The following SHTN1 variants were observed in gnomAD, a reference collection of about 807,000 sequenced individuals.
SHTN1 encodes shootin-1.
Under a neutral mutation model 83.1 loss-of-function variants are expected in SHTN1, and 42 were observed. That is an observed-to-expected ratio of 0.51 (90% CI 0.39 to 0.65). SHTN1 has a LOEUF of 0.65. Ranked by LOEUF, SHTN1 falls within the 30% of genes least tolerant of loss-of-function variation. SHTN1 has a pLI of 0.00. For missense variants in SHTN1, 622 were observed against 737.8 expected (o/e 0.84, Z 1.82); for synonymous variants, 224 against 247.7 (o/e 0.90, Z 0.90).
rs548257720 is a variant in SHTN1, at chr10:117,105,664, T to C, written c.-189+20643A>G. ...TCTAAACAAGGTGAGAACAGTTATA[T>C]GCCTGGGATTATTTTTCAGACTTTC... On this transcript the variant is annotated intron_variant, in intron 1 of 17. Coordinates refer to the SHTN1 transcript ENST00000392901. Among the ~76,000 whole-genome samples, 3 of 152,358 alleles carry C rather than the reference T, an allele frequency of 2.0e-5. No homozygotes were observed. The South Asian group carries it at 6.2e-4, about 32-fold the overall frequency.
At chr10:116,923,310 C>T (rs1364481559) in intron 11 of SHTN1, among the ~76,000 whole-genome samples, 1 of 152,154 alleles carries the variant, frequency 6.6e-6, no homozygotes, top group Non-Finnish European at 1.5e-5. Context: ...CTGCATATAG[C>T]ATCATTTCCT....
rs192517506 is a variant in SHTN1, at chr10:116,998,334, T to C, written c.58+6688A>G. ...TCTCTGACAGACAGTAGTTTCCCTC[T>C]TATCTACCGTTTCACTCTTCAGGGT... On this transcript the variant is annotated intron_variant, in intron 1 of 16. Transcript: ENST00000355371. Among the ~76,000 whole-genome samples the C allele has an allele frequency of 8.5e-3, 1,288 of 152,276 alleles. 11 individuals are homozygous for C. The highest frequency in any genetic ancestry group is 0.043 in the South Asian group (208 of 4,822).
intron 1 of SHTN1, among the ~76,000 whole-genome samples, chr10:117,089,091 C>T (rs1853391499): frequency 6.6e-6 from 1 of 152,166 alleles, no homozygotes; most frequent in African/African-American, 2.4e-5. Context: ...GACAGCAGCC[C>T]TATTAGCAAC....
chr10:117,020,173 A>G (rs1009160636), intron 2 of SHTN1, among the ~76,000 whole-genome samples: 6 of 152,110 alleles, frequency 3.9e-5, no homozygotes, highest in Non-Finnish European at 8.8e-5. Flanking sequence ...TTGGCATAAG[A>G]AAAGACTTAC....
intron 2 of SHTN1, among the ~76,000 whole-genome samples, chr10:117,016,377 G>A (rs566293998): frequency 6.6e-6 from 1 of 152,246 alleles, no homozygotes; most frequent in South Asian, 2.1e-4. Flanking sequence ...AAAGAAATGT[G>A]AAATATGTAC....
chr10:116,887,136 C>T (rs138511542), intron 16 of SHTN1, among the ~76,000 whole-genome samples: 6 of 152,164 alleles, frequency 3.9e-5, no homozygotes, highest in African/African-American at 7.2e-5. Context: ...GGACCAAGGG[C>T]GGAGAGAGAG....
chr10:116,922,378 C>T (rs1024139418), intron 11 of SHTN1, among the ~76,000 whole-genome samples: 1 of 151,662 alleles, frequency 6.6e-6, no homozygotes. Flanking sequence ...ATTAATAGTA[C>T]ATTTCACTCT....
chr10:116,953,891 A>C (rs958062814), intron 5 of SHTN1, 151 bp downstream of exon 5: 1 of 552,404 alleles, frequency 1.8e-6, no homozygotes, highest in Non-Finnish European at 2.8e-6. Flanking sequence ...GGCCTCCCAA[A>C]GTGCTAGGAT....
chr10:116,973,921 T>G, intron 2 of SHTN1: 2 of 1,282,206 alleles, frequency 1.6e-6, no homozygotes, highest in Non-Finnish European at 2.0e-6. Context: ...AGTCGACAAT[T>G]CTACTGCTCC....
At chr10:116,923,205 G>C (rs1008072432) in intron 11 of SHTN1, among the ~76,000 whole-genome samples, 2 of 152,096 alleles carry the variant, frequency 1.3e-5, no homozygotes, top group African/African-American at 2.4e-5. Flanking sequence ...AAAGAATTAG[G>C]GTACCAGTAT....
Position 116,978,826 on chromosome 10 carries a change from T to G in SHTN1, c.111+430A>C, listed in dbSNP as rs1012533081. Among the ~76,000 whole-genome samples, 15 of 152,326 alleles carry G rather than the reference T, an allele frequency of 9.8e-5. No homozygotes were observed. In the East Asian group the frequency reaches 2.1e-3, roughly 22 times the overall value. On this transcript the variant is annotated intron_variant, in intron 2 of 16. Transcript: ENST00000355371. The stretch of plus-strand genomic sequence containing the variant: ...AATAGAAGAAGCAGACATATAAAGA[T>G]TTATGGAGGTATTGGGGCGAAACAC...
At chr10:117,036,012 T>G (rs976258903) in intron 2 of SHTN1, among the ~76,000 whole-genome samples, 1 of 141,614 alleles carries the variant, frequency 7.1e-6, no homozygotes, top group Non-Finnish European at 1.5e-5. Flanking sequence ...GAAATACAAA[T>G]GTCAAATAGG....
chr10:117,074,810 T>C (rs1190239625), intron 1 of SHTN1, among the ~76,000 whole-genome samples: 4 of 152,134 alleles, frequency 2.6e-5, no homozygotes, highest in African/African-American at 9.7e-5. Flanking sequence ...ATAAACCTGC[T>C]TTTGCACTGC....
rs376654209 is a variant in SHTN1, at chr10:116,975,890, A to G, written c.111+3366T>C. Among the ~76,000 whole-genome samples the G allele has an allele frequency of 8.5e-4, 129 of 152,320 alleles. 1 individual carries two copies. Among genetic ancestry groups the G allele is most frequent in the African/African-American group, 3.0e-3 (124 of 41,582 alleles). ...ACTTATATTCAACTTTCAGTTTTTC[A>G]ACACAAACCAATAGCTGGTAAAGAT... On this transcript the variant is annotated intron_variant, in intron 2 of 16. Transcript: ENST00000355371.
chr10:116,907,824 T>A (rs1407885176), intron 14 of SHTN1: 5 of 503,120 alleles, frequency 9.9e-6, no homozygotes, highest in Non-Finnish European at 2.0e-5. Flanking sequence ...AAAGACAGCT[T>A]TTGTCCACCA....
chr10:116,980,523 C>G (rs1324615438), intron 1 of SHTN1, among the ~76,000 whole-genome samples: 1 of 148,468 alleles, frequency 6.7e-6, no homozygotes, highest in Non-Finnish European at 1.5e-5. Flanking sequence ...ACAATTTGAA[C>G]TTTTGCTTTA....
chr10:117,001,872 T>G (rs1364038137), intron 1 of SHTN1, among the ~76,000 whole-genome samples: 1 of 152,118 alleles, frequency 6.6e-6, no homozygotes, highest in Non-Finnish European at 1.5e-5. Context: ...ACAAGTCTCA[T>G]GTATCAGTTT....
chr10:117,069,751 C>T (rs1853054119), intron 1 of SHTN1, among the ~76,000 whole-genome samples: 1 of 152,062 alleles, frequency 6.6e-6, no homozygotes, highest in Admixed American at 6.6e-5. Context: ...AGCAAAACAG[C>T]TAGTGAGTAT....
chr10:117,037,621 G>C (rs1852517648), intron 2 of SHTN1, among the ~76,000 whole-genome samples: 1 of 152,154 alleles, frequency 6.6e-6, no homozygotes, highest in African/African-American at 2.4e-5. Flanking sequence ...TAAGAACGCA[G>C]TTGGAAGACT....
Sources: gnomAD v4.1 joint callset for allele counts (sites outside exome capture counted in the v4.1 genomes callset) on GRCh38, gnomAD v4.1.1 for gene constraint, MANE v1.5 for transcripts, NCBI Gene and HGNC (gene_info 2026-07-23, HGNC 2026-07-21) for gene names.